ATP9A: variants seen among roughly 807,000 people sequenced by gnomAD.
ATP9A encodes ATPase phospholipid transporting 9A, also known as probable phospholipid-transporting ATPase IIA.
Under a neutral mutation model 144.1 loss-of-function variants are expected in ATP9A, and 52 were observed. The observed-to-expected ratio is 0.36, with a 90% CI of 0.29 to 0.45. The LOEUF is 0.45. Ranked by LOEUF, ATP9A falls within the 20% of genes least tolerant of loss-of-function variation. ATP9A has a pLI of 1.00. For synonymous variants in ATP9A, 582 were observed against 557.4 expected (o/e 1.04, Z -0.62); for missense variants, 947 against 1,392.7 (o/e 0.68, Z 5.09).
intron 21 of ATP9A, 21 bp downstream of exon 21, chr20:51,618,641 C>T (rs768126580): frequency 4.4e-6 from 7 of 1,603,464 alleles, no homozygotes; most frequent in African/African-American, 1.3e-5. Context: ...GGGCCAGCAG[C>T]ACAGCCTGAG....
chr20:51,719,983 A>G (rs1410910356), intron 3 of ATP9A, among the ~76,000 whole-genome samples: 2 of 152,200 alleles, frequency 1.3e-5, no homozygotes, highest in Non-Finnish European at 2.9e-5. Context: ...CGAGAGGCAG[A>G]GGTTGCAGTT....
chr20:51,696,202 G>A (rs182432999), intron 5 of ATP9A, 58 bp from the exon 6 acceptor site: 5 of 1,554,398 alleles, frequency 3.2e-6, no homozygotes, highest in Admixed American at 3.5e-5. Flanking sequence ...CTGTGCGGTG[G>A]GGAGGGGGGC....
chr20:51,674,742 C>A (rs6126292), intron 10 of ATP9A, among the ~76,000 whole-genome samples: 39,446 of 152,020 alleles, frequency 0.26, 5,652 homozygotes, highest in East Asian at 0.48. Context: ...TACCCAACAC[C>A]AACTCGGCAG....
In ATP9A at chr20:51,650,442, G is replaced by A. The variant is rs184814311; in HGVS notation, c.1506+6496C>T. 2.1e-3 allele frequency among the ~76,000 whole-genome samples: 325 copies of A among 151,954 alleles called. 2 individuals are homozygous for A. Among genetic ancestry groups the A allele is most frequent in the African/African-American group, 7.6e-3 (315 of 41,422 alleles). On this transcript the variant is annotated intron_variant, in intron 14 of 27. Transcript: ENST00000338821. The stretch of plus-strand genomic sequence containing the variant: ...CCAGCTGCTCGGGAGGCCGAGGCAG[G>A]AGAATCACTTGAACCCAGGAGACGG...
At chr20:51,640,400 G>T (rs967239921) in intron 14 of ATP9A, among the ~76,000 whole-genome samples, 32 of 152,142 alleles carry the variant, frequency 2.1e-4, no homozygotes, top group Non-Finnish European at 2.9e-5. Flanking sequence ...GCTACAAAAC[G>T]TCCCGTAACA....
At chr20:51,751,032 A>G in intron 1 of ATP9A, among the ~76,000 whole-genome samples, 1 of 152,128 alleles carries the variant, frequency 6.6e-6, no homozygotes, top group East Asian at 1.9e-4. Flanking sequence ...CCTTCCTTGC[A>G]GCCATGGGTC....
rs896762156 is a variant in ATP9A at position 51,610,263 on chromosome 20, G to A, written c.2572-98C>T. On this transcript the variant is annotated intron_variant, in intron 23 of 27. Transcript: ENST00000338821. ...CACCTGATACTTACATAACACCCGC[G>A]CCGGCACTGCTGTAAGGTACTTTAC... 5.1e-5 allele frequency: 47 copies of A among 919,104 alleles called. No individual in the cohort carries two copies. The African/African-American group carries it at 5.8e-4, about 11-fold the overall frequency. 56.9% of individuals were successfully genotyped at this position (919,104 alleles called of 1,614,324 possible).
intron 9 of ATP9A, among the ~76,000 whole-genome samples, chr20:51,687,122 T>C (rs1407324460): frequency 6.6e-6 from 1 of 152,080 alleles, no homozygotes; most frequent in Admixed American, 6.6e-5. Context: ...AAAAATTGGT[T>C]CAGGTGACAT....
chr20:51,760,825 C>T (rs965196733), intron 1 of ATP9A, among the ~76,000 whole-genome samples: 1 of 151,374 alleles, frequency 6.6e-6, no homozygotes, highest in African/African-American at 2.4e-5. Flanking sequence ...GAGATCAAGA[C>T]CATCCTGGTC....
intron 8 of ATP9A, among the ~76,000 whole-genome samples, chr20:51,690,039 G>A (rs66919403): frequency 0.43 from 63,184 of 146,814 alleles, 13,859 homozygotes; most frequent in East Asian, 0.68. Context: ...TTGAACCCGG[G>A]AGGCAGAGGT....
chr20:51,693,161 G>C (rs1156931310), intron 7 of ATP9A, among the ~76,000 whole-genome samples: 2 of 152,236 alleles, frequency 1.3e-5, no homozygotes, highest in Admixed American at 1.3e-4. Flanking sequence ...GAATACAACA[G>C]GAAGAACCCA....
intron 3 of ATP9A, among the ~76,000 whole-genome samples, chr20:51,725,448 A>G (rs2077708169): frequency 6.6e-6 from 1 of 151,984 alleles, no homozygotes; most frequent in South Asian, 2.1e-4. Flanking sequence ...GAGATTTTGG[A>G]TTTGGGATGC....
rs146816088 is a variant in ATP9A at position 51,694,378 on chromosome 20, C to A, written c.548-276G>T. On this transcript the variant is annotated intron_variant, in intron 6 of 27. Coordinates refer to ENST00000338821, the MANE Select transcript of ATP9A (RefSeq NM_006045.3). ...AGTGTCTGTAAAACGTGGAGAAACGCAGACTTCGCAAGCTTGCTGTAAAGA... is the reference window on the plus strand; with the variant it reads ...AGTGTCTGTAAAACGTGGAGAAACGAAGACTTCGCAAGCTTGCTGTAAAGA... Among the ~76,000 whole-genome samples, 157 of 152,278 alleles carry A rather than the reference C, an allele frequency of 1.0e-3. 2 individuals carry two copies. The East Asian group carries it at 0.021, about 21-fold the overall frequency.
At chr20:51,684,557 G>A (rs1188752502) in intron 9 of ATP9A, among the ~76,000 whole-genome samples, 8 of 151,260 alleles carry the variant, frequency 5.3e-5, no homozygotes, top group Admixed American at 1.3e-4. Flanking sequence ...TTAGCCAGGC[G>A]CGGTGCCAGG....
At chr20:51,649,326 T>C (rs2077354300) in intron 14 of ATP9A, among the ~76,000 whole-genome samples, 1 of 152,204 alleles carries the variant, frequency 6.6e-6, no homozygotes, top group African/African-American at 2.4e-5. Context: ...GTCCAGACTC[T>C]AGGCATGGGC....
intron 19 of ATP9A, among the ~76,000 whole-genome samples, chr20:51,619,869 C>CA (rs564118011): frequency 0.1 from 8,564 of 83,650 alleles, 545 homozygotes; most frequent in African/African-American, 0.17. Flanking sequence ...AACTCTGTCT[C>CA]AAAAAAAAAA....
At chr20:51,607,622 CG>C in intron 25 of ATP9A, 38 bp from the exon 26 acceptor site, 2 of 1,554,816 alleles carry the variant, frequency 1.3e-6, no homozygotes, top group East Asian at 2.2e-5. Flanking sequence ...GCCGGTTTCG[CG>C]GGGGGCTCAC....
At chr20:51,688,340 C>A (rs1466769850) in intron 9 of ATP9A, among the ~76,000 whole-genome samples, 1 of 152,160 alleles carries the variant, frequency 6.6e-6, no homozygotes, top group African/African-American at 2.4e-5. Flanking sequence ...CATCTGTAAT[C>A]CCAGCACTTA....
chr20:51,627,621 C>T lies in ATP9A; in HGVS notation c.1824G>A (p.Glu608=). ...TTACTTCAAAGTCCTGATACTGCTCCTCTGCAAGAGACTTCTTTGCCACCA... is the reference window on the plus strand; with the variant it reads ...TTACTTCAAAGTCCTGATACTGCTCTTCTGCAAGAGACTTCTTTGCCACCA... ...VLVVAKKSLA[E]EQYQDFEARY... The change falls in exon 17 of 28, where the codon GAG becomes GAA. Residue 608 remains glutamate, a synonymous_variant. Coordinates refer to ENST00000338821, the MANE Select transcript of ATP9A (RefSeq NM_006045.3). 6.2e-7 allele frequency: 1 copy of T among 1,614,198 alleles called. No homozygotes were observed. The highest frequency in any genetic ancestry group is 8.5e-7 in the Non-Finnish European group (1 of 1,180,030).
Sources: gnomAD v4.1 joint callset for allele counts (sites outside exome capture counted in the v4.1 genomes callset) on GRCh38, gnomAD v4.1.1 for gene constraint, MANE v1.5 for transcripts, NCBI Gene and HGNC (gene_info 2026-07-23, HGNC 2026-07-21) for gene names.